Variants in KLF12 observed in about 807,000 individuals in gnomAD.
KLF12 encodes Krueppel-like factor 12.
Under a neutral mutation model 37.8 loss-of-function variants are expected in KLF12, and 9 were observed. The observed-to-expected ratio is 0.24, with a 90% CI of 0.14 to 0.42. The LOEUF (loss-of-function observed/expected upper bound fraction) is 0.42. Among genes scored for constraint, KLF12 ranks in the 10% least tolerant of loss-of-function variants. KLF12 has a pLI of 1.00. For synonymous variants in KLF12, 208 were observed against 202.1 expected, an observed-to-expected ratio of 1.03 and a Z score of -0.25; for missense variants, 411 against 516.0, an observed-to-expected ratio of 0.80 and a Z score of 1.97.
the KLF12 span, among the ~76,000 whole-genome samples, chr13:74,252,123 G>A: frequency 3.3e-5 from 5 of 152,180 alleles, no homozygotes; most frequent in Non-Finnish European, 5.9e-5. Flanking sequence ...ATGTTGTTTT[G>A]TTGTGTGTGT....
At chr13:73,751,858 A>C (rs2137975592) in intron 6 of KLF12, among the ~76,000 whole-genome samples, 1 of 152,226 alleles carries the variant, frequency 6.6e-6, no homozygotes, top group East Asian at 1.9e-4. Context: ...TCATTTTACA[A>C]TGGGCTGCTG....
intron 1 of KLF12, among the ~76,000 whole-genome samples, chr13:74,048,002 A>C (rs1022715620): frequency 2.6e-5 from 4 of 152,340 alleles, no homozygotes; most frequent in African/African-American, 9.6e-5. Context: ...ACTCATGTAC[A>C]TTCCAGCTCA....
chr13:74,078,971 G>A (rs968057798), intron 1 of KLF12, among the ~76,000 whole-genome samples: 35 of 152,200 alleles, frequency 2.3e-4, no homozygotes, highest in African/African-American at 8.2e-4. Flanking sequence ...ATCGCCTTCA[G>A]AGACGTTTAA....
intron 1 of KLF12, among the ~76,000 whole-genome samples, chr13:74,066,721 A>G (rs1481317203): frequency 6.6e-6 from 1 of 152,206 alleles, no homozygotes; most frequent in East Asian, 1.9e-4. Flanking sequence ...ATGTGAATAT[A>G]TATCTCTTCC....
chr13:73,835,727 C>T (rs1884396366), intron 4 of KLF12, among the ~76,000 whole-genome samples: 1 of 152,130 alleles, frequency 6.6e-6, no homozygotes, highest in Admixed American at 6.5e-5. Context: ...CCCGCAGTAC[C>T]ACATTTGCAT....
chr13:74,265,083 A>G, the KLF12 span, among the ~76,000 whole-genome samples: 2 of 152,206 alleles, frequency 1.3e-5, no homozygotes, highest in African/African-American at 4.8e-5. Context: ...ATGTTGCCTA[A>G]GTAGACATAG....
intron 6 of KLF12, among the ~76,000 whole-genome samples, chr13:73,760,652 C>G (rs936878984): frequency 5.9e-5 from 9 of 152,062 alleles, no homozygotes; most frequent in African/African-American, 1.9e-4. Context: ...GCTGTATTTC[C>G]TATGTTATCA....
chr13:73,759,354 T>C (rs1879397279), intron 6 of KLF12, among the ~76,000 whole-genome samples: 1 of 152,156 alleles, frequency 6.6e-6, no homozygotes, highest in South Asian at 2.1e-4. Flanking sequence ...GGCAGTGAAA[T>C]ACTCTAGTAA....
At chr13:74,030,505 A>G (rs1893086774) in intron 1 of KLF12, among the ~76,000 whole-genome samples, 1 of 152,100 alleles carries the variant, frequency 6.6e-6, no homozygotes, top group Non-Finnish European at 1.5e-5. Context: ...TTAAATTTCT[A>G]AATACCTAGA....
intron 1 of KLF12, among the ~76,000 whole-genome samples, chr13:74,117,459 A>T (rs1457603437): frequency 6.6e-6 from 1 of 152,212 alleles, no homozygotes; most frequent in Non-Finnish European, 1.5e-5. Context: ...GCATGTACCC[A>T]TGCCAATATA....
the KLF12 span, among the ~76,000 whole-genome samples, chr13:74,151,817 G>A: frequency 2.0e-5 from 3 of 152,144 alleles, no homozygotes; most frequent in Non-Finnish European, 2.9e-5. Context: ...AAGACATTAC[G>A]GTAATGACAT....
intron 6 of KLF12, among the ~76,000 whole-genome samples, chr13:73,727,877 A>T (rs1290205589): frequency 6.6e-6 from 1 of 152,082 alleles, no homozygotes; most frequent in Non-Finnish European, 1.5e-5. Flanking sequence ...TTTGTATTTT[A>T]GTAGAGACAA....
At chr13:74,124,057 T>A (rs1877796507) in intron 1 of KLF12, among the ~76,000 whole-genome samples, 1 of 152,222 alleles carries the variant, frequency 6.6e-6, no homozygotes, top group Admixed American at 6.5e-5. Flanking sequence ...CTGTCTTAAT[T>A]ACTGTTATTT....
the KLF12 span, among the ~76,000 whole-genome samples, chr13:74,171,497 CCAAA>C: frequency 6.6e-6 from 1 of 152,162 alleles, no homozygotes; most frequent in Admixed American, 6.5e-5. Flanking sequence ...CCGCTTCCTC[CCAAA>C]CAGTCTATAC....
At chr13:74,225,341 TA>T in the KLF12 span, among the ~76,000 whole-genome samples, 1 of 152,182 alleles carries the variant, frequency 6.6e-6, no homozygotes, top group Non-Finnish European at 1.5e-5. Flanking sequence ...GATTTCACAC[TA>T]CCTTAAGGAC....
the KLF12 span, among the ~76,000 whole-genome samples, chr13:74,175,584 C>T: frequency 5.1e-4 from 78 of 152,270 alleles, no homozygotes; most frequent in African/African-American, 1.7e-3. Flanking sequence ...AGACCCAATC[C>T]AGGGCCCAAT....
chr13:73,865,050 G>A (rs1886104124), intron 3 of KLF12, among the ~76,000 whole-genome samples: 1 of 151,930 alleles, frequency 6.6e-6, no homozygotes, highest in East Asian at 1.9e-4. Context: ...AAAAATCAAG[G>A]CCCCTTCCAC....
intron 5 of KLF12, among the ~76,000 whole-genome samples, chr13:73,810,644 A>AACACAC (rs1201321726): frequency 1.7e-5 from 1 of 59,682 alleles, no homozygotes; most frequent in African/African-American, 6.4e-5. Context: ...TATATTTATA[A>AACACAC]AGACACACAC....
intron 1 of KLF12, among the ~76,000 whole-genome samples, chr13:74,002,436 A>G (rs954701553): frequency 3.3e-5 from 5 of 152,174 alleles, no homozygotes; most frequent in African/African-American, 1.2e-4. Context: ...GTGCAGTAGC[A>G]CCATCATGGC....
Sources: gnomAD v4.1 joint callset for allele counts (sites outside exome capture counted in the v4.1 genomes callset) on GRCh38, gnomAD v4.1.1 for gene constraint, MANE v1.5 for transcripts, NCBI Gene and HGNC (gene_info 2026-07-23, HGNC 2026-07-21) for gene names.